The following POU6F2 variants were observed in gnomAD, a reference collection of about 807,000 sequenced individuals.
POU6F2 encodes the protein POU class 6 homeobox 2, also known as POU domain, class 6, transcription factor 2.
Under a neutral mutation model 71.3 loss-of-function variants are expected in POU6F2, and 31 were observed. The ratio of observed to expected loss-of-function variants is 0.43; its 90% CI spans 0.33 to 0.59. The LOEUF is 0.59. Among genes scored for constraint, POU6F2 ranks in the 20% least tolerant of loss-of-function variants. The pLI, the probability that POU6F2 is intolerant of heterozygous loss-of-function variation, is 0.04. For missense variants in POU6F2, 783 were observed against 856.8 expected, an observed-to-expected ratio of 0.91 and a Z score of 1.07; for synonymous variants, 347 against 355.7, an observed-to-expected ratio of 0.98 and a Z score of 0.27.
chr7:39,103,217 G>T (rs975775216), intron 2 of POU6F2, among the ~76,000 whole-genome samples: 3 of 152,192 alleles, frequency 2.0e-5, no homozygotes, highest in Non-Finnish European at 4.4e-5. Flanking sequence ...TTAATAATTT[G>T]TCATTGTGAG....
At chr7:39,015,272 G>C (rs1027436291) in intron 1 of POU6F2, among the ~76,000 whole-genome samples, 2 of 134,230 alleles carry the variant, frequency 1.5e-5, no homozygotes, top group African/African-American at 5.8e-5. Context: ...TAGAGATATG[G>C]TATCTATTAT....
intron 2 of POU6F2, among the ~76,000 whole-genome samples, chr7:39,187,875 T>G (rs118171203): frequency 1.3e-5 from 2 of 152,334 alleles, no homozygotes; most frequent in Non-Finnish European, 2.9e-5. Context: ...CTACATTTTT[T>G]TCCATATGCC....
At chr7:39,054,708 G>A (rs1790471578) in intron 1 of POU6F2, among the ~76,000 whole-genome samples, 1 of 151,548 alleles carries the variant, frequency 6.6e-6, no homozygotes, top group African/African-American at 2.4e-5. Flanking sequence ...TGCAGCTGCA[G>A]TGGGGGTGGG....
At chr7:39,079,033 G>A (rs1039827166) in intron 1 of POU6F2, among the ~76,000 whole-genome samples, 1 of 152,154 alleles carries the variant, frequency 6.6e-6, no homozygotes, top group African/African-American at 2.4e-5. Flanking sequence ...TGAGAGTGTG[G>A]AGAGAAAAGT....
At chr7:39,244,234 G>A (rs1354863724) in intron 4 of POU6F2, among the ~76,000 whole-genome samples, 4 of 152,084 alleles carry the variant, frequency 2.6e-5, no homozygotes, top group Non-Finnish European at 4.4e-5. Context: ...GTCTTTCTGA[G>A]GCATAGGCAT....
chr7:39,304,996 C>T (rs1225031044), intron 4 of POU6F2, among the ~76,000 whole-genome samples: 1 of 152,206 alleles, frequency 6.6e-6, no homozygotes, highest in Non-Finnish European at 1.5e-5. Context: ...AATGCCTGCC[C>T]AGCTAAATTC....
At chr7:39,147,170 A>G (rs915553635) in intron 2 of POU6F2, among the ~76,000 whole-genome samples, 1 of 152,182 alleles carries the variant, frequency 6.6e-6, no homozygotes, top group African/African-American at 2.4e-5. Flanking sequence ...TACAATAACA[A>G]TGTTATTATT....
chr7:39,259,849 CAG>C (rs374050150), intron 4 of POU6F2, among the ~76,000 whole-genome samples: 4 of 152,156 alleles, frequency 2.6e-5, no homozygotes, highest in African/African-American at 9.6e-5. Context: ...ACCATGCAGA[CAG>C]AGCCCAGACG....
At chr7:39,323,211 C>A (rs1419404430) in intron 4 of POU6F2, among the ~76,000 whole-genome samples, 1 of 152,080 alleles carries the variant, frequency 6.6e-6, no homozygotes, top group South Asian at 2.1e-4. Flanking sequence ...GTGCAATGCA[C>A]AACAGGATGT....
intron 4 of POU6F2, among the ~76,000 whole-genome samples, chr7:39,217,298 A>G (rs1794263485): frequency 7.0e-6 from 1 of 142,422 alleles, no homozygotes; most frequent in Non-Finnish European, 1.5e-5. Flanking sequence ...AATGTGCTTG[A>G]TTTTGTTGAT....
chr7:39,337,921 C>T (rs1036012109), intron 4 of POU6F2, among the ~76,000 whole-genome samples: 3 of 152,178 alleles, frequency 2.0e-5, no homozygotes, highest in African/African-American at 7.2e-5. Flanking sequence ...GACCAAGGCT[C>T]ATTAGTAGGT....
intron 1 of POU6F2, among the ~76,000 whole-genome samples, chr7:39,001,780 G>C (rs1392728945): frequency 6.6e-6 from 1 of 152,076 alleles, no homozygotes; most frequent in African/African-American, 2.4e-5. Context: ...TGGTGATAGT[G>C]ATGGTGATGT....
chr7:39,194,375 G>C (rs187595288), intron 2 of POU6F2, among the ~76,000 whole-genome samples: 1 of 152,378 alleles, frequency 6.6e-6, no homozygotes, highest in Non-Finnish European at 1.5e-5. Context: ...GTTTGATCAT[G>C]ATAGTGAGAG....
chr7:39,290,542 G>C (rs928436233), intron 4 of POU6F2, among the ~76,000 whole-genome samples: 1 of 152,150 alleles, frequency 6.6e-6, no homozygotes, highest in Non-Finnish European at 1.5e-5. Flanking sequence ...TAAACATATC[G>C]TGCTACAAAA....
intron 5 of POU6F2, among the ~76,000 whole-genome samples, chr7:39,360,427 G>A (rs1583549901): frequency 6.6e-6 from 1 of 152,140 alleles, no homozygotes; most frequent in Non-Finnish European, 1.5e-5. Context: ...TAAAATAAAC[G>A]ATTTATCTAA....
chr7:39,210,695 T>C (rs775114731), intron 4 of POU6F2, among the ~76,000 whole-genome samples: 62 of 152,104 alleles, frequency 4.1e-4, no homozygotes, highest in Non-Finnish European at 1.6e-4. Context: ...GCGGCATCAA[T>C]GTCTCCTGGG....
intron 2 of POU6F2, among the ~76,000 whole-genome samples, chr7:39,140,163 A>C (rs1792465916): frequency 6.6e-6 from 1 of 152,306 alleles, no homozygotes; most frequent in South Asian, 2.1e-4. Context: ...AATGTATCAG[A>C]GCTGTACTCT....
At chr7:39,140,609 T>G (rs1792477864) in intron 2 of POU6F2, among the ~76,000 whole-genome samples, 2 of 152,130 alleles carry the variant, frequency 1.3e-5, no homozygotes, top group African/African-American at 2.4e-5. Flanking sequence ...TGTGGTCAAA[T>G]CTCCCTATGC....
At chr7:39,128,030 A>T (rs1792178289) in intron 2 of POU6F2, among the ~76,000 whole-genome samples, 1 of 151,454 alleles carries the variant, frequency 6.6e-6, no homozygotes, top group African/African-American at 2.4e-5. Flanking sequence ...TTTAGTAGAG[A>T]TGGGGTTTCA....
Sources: allele counts gnomAD v4.1 joint callset (sites outside exome capture counted in the v4.1 genomes callset), GRCh38; gene constraint gnomAD v4.1.1; transcripts MANE v1.5; gene names NCBI Gene and HGNC (gene_info 2026-07-23, HGNC 2026-07-21).